Variants in AGO4 observed in about 807,000 individuals in gnomAD.
The protein encoded by AGO4 is protein argonaute-4.
A neutral mutation model predicts 104.7 loss-of-function variants in AGO4; 33 were observed. The ratio of observed to expected loss-of-function variants is 0.32; its 90% CI spans 0.24 to 0.42. The LOEUF (loss-of-function observed/expected upper bound fraction) is 0.42, where lower values mean the gene tolerates loss of function less well. Ranked by LOEUF, AGO4 falls within the 10% of genes least tolerant of loss-of-function variation. The pLI is 1.00. For missense variants in AGO4, 711 were observed against 1,083.4 expected (o/e 0.66, Z 4.83); for synonymous variants, 331 against 364.7 (o/e 0.91, Z 1.05).
At chr1:35,811,636 C>T (rs1643511078) in intron 1 of AGO4, among the ~76,000 whole-genome samples, 1 of 151,612 alleles carries the variant, frequency 6.6e-6, no homozygotes, top group Admixed American at 6.6e-5. Context: ...CAGAGTCTCG[C>T]TGTGTCGCCC....
chr1:35,833,844 C>A, intron 11 of AGO4, 146 bp from the exon 12 acceptor site: 2 of 680,948 alleles, frequency 2.9e-6, no homozygotes, highest in Non-Finnish European at 4.2e-6. Flanking sequence ...TTTTGGCAAC[C>A]AGTTAAAGAT....
At position 35,841,319 on chromosome 1, in the gene AGO4, C is replaced by T. The variant is rs369348803; in HGVS notation, c.1879C>T (p.Arg627Trp). 15 of 1,613,986 alleles carry T rather than the reference C, an allele frequency of 9.3e-6. No individual in the cohort carries two copies. Among genetic ancestry groups the T allele is most frequent in the Middle Eastern group, 1.6e-4 (1 of 6,084 alleles). The change falls in exon 14 of 18, where the codon CGG (arginine) becomes TGG (tryptophan). Residue 627 changes from arginine (R) to tryptophan (W), a missense_variant. This residue lies in a region of AGO4 where 401 missense variants were observed against 665.5 expected (regional missense o/e 0.60). Coordinates refer to ENST00000373210, the MANE Select transcript of AGO4 (RefSeq NM_017629.4). The surrounding 1 kb of genome is among the most constrained non-coding windows in gnomAD (Gnocchi z 4.7). The stretch of plus-strand genomic sequence containing the variant: ...TGCCACCGTTCGGGTGCAGACTTCC[C>T]GGCAGGAGATCTCCCAAGAGCTCCT... ...YCATVRVQTS[R>W]QEISQELLYS...
In AGO4 at chr1:35,841,811, C is replaced by CATATATATATATATATATACAT. The variant is rs1336128652; in HGVS notation, c.2175+80_2175+81insCATATATATATATATATATATA. On this transcript the variant is annotated intron_variant, in intron 15 of 17. Transcript: ENST00000373210. This position sits in a 1 kb window ranked among gnomAD's most constrained non-coding sequence, Gnocchi z 4.7. ...CTCTGGCAAGAGATGTATATATGCA[C>CATATATATATATATATATACAT]ATATATATATATATATATATATATA... 22 of 606,486 alleles carry CATATATATATATATATATACAT rather than the reference C, an allele frequency of 3.6e-5. No homozygotes were observed. The Admixed American group carries it at 6.6e-4, about 18-fold the overall frequency. The allele number at this position is 606,486 out of a possible 1,614,324, so 37.6% of individuals were successfully genotyped here. A position where few individuals can be genotyped will look rare whatever the true frequency, so the allele number is the denominator to read the frequency against.
rs1425460599 is a variant in AGO4, at chr1:35,841,474, G to C, written c.2034G>C (p.Met678Ile). The change falls in exon 14 of 18, where the codon ATG (methionine) becomes ATC (isoleucine). Residue 678 changes from methionine (M) to isoleucine (I), a missense_variant. Met to Ile is a conservative substitution (Grantham distance 10). Transcript: ENST00000373210. This position sits in a 1 kb window ranked among gnomAD's most constrained non-coding sequence, Gnocchi z 4.7. Reference protein sequence around the residue: ...YYRGGVSEGQMKQVAWPELIA... With the variant: ...YYRGGVSEGQIKQVAWPELIA... Reference sequence around the variant, plus strand: ...GTGGAGGGGTATCTGAGGGACAAATGAAACAGGTACTCTCATTATCCCTGT... The same window carrying C: ...GTGGAGGGGTATCTGAGGGACAAATCAAACAGGTACTCTCATTATCCCTGT... The C allele has an allele frequency of 1.2e-6, 2 of 1,612,220 alleles. No homozygotes were observed. Among genetic ancestry groups the C allele is most frequent in the Non-Finnish European group, 1.7e-6 (2 of 1,178,440 alleles).
intron 2 of AGO4, among the ~76,000 whole-genome samples, chr1:35,820,648 C>T (rs979590980): frequency 2.2e-4 from 34 of 152,106 alleles, no homozygotes; most frequent in African/African-American, 8.0e-4. Flanking sequence ...TGAGCCACCC[C>T]GCCTGGCCCA....
intron 15 of AGO4, among the ~76,000 whole-genome samples, chr1:35,848,993 A>G (rs561930089): frequency 6.6e-6 from 1 of 152,324 alleles, no homozygotes; most frequent in African/African-American, 2.4e-5. Flanking sequence ...TAAGGTAACA[A>G]TAGTTAAAAT....
At position 35,831,934 on chromosome 1, in the gene AGO4, C is replaced by A; in HGVS notation, c.1116+3C>A. On this transcript the variant is annotated splice_donor_region_variant and intron_variant, in intron 9 of 17. Transcript: ENST00000373210. ...GACAGGAAGAGATCAGTAGACTGGT[C>A]AGTAAGGCATGGTCTTCAAGATGAG... 1.2e-6 allele frequency: 2 copies of A among 1,613,802 alleles called. No homozygotes were observed. Among genetic ancestry groups the A allele is most frequent in the South Asian group, 2.2e-5 (2 of 90,954 alleles).
At position 35,845,472 on chromosome 1, in the gene AGO4, G is replaced by A. The variant is rs146806715; in HGVS notation, c.2175+3722G>A. 6.9e-3 allele frequency among the ~76,000 whole-genome samples: 1,048 copies of A among 152,098 alleles called. 11 individuals carry two copies. The highest frequency in any genetic ancestry group is 0.024 in the African/African-American group (976 of 41,490). ...TTCACCCACCTCGGCCTCCCAAAGT[G>A]CTGGGATTACAGATGTCAGCCACTG... On this transcript the variant is annotated intron_variant, in intron 15 of 17. Transcript: ENST00000373210.
chr1:35,835,171 C>T (rs182761543), intron 12 of AGO4, among the ~76,000 whole-genome samples: 1 of 151,940 alleles, frequency 6.6e-6, no homozygotes, highest in East Asian at 1.9e-4. Flanking sequence ...CATCTCCTGC[C>T]TCAGCCCCCC....
intron 1 of AGO4, among the ~76,000 whole-genome samples, chr1:35,815,387 C>T (rs932689917): frequency 6.6e-6 from 1 of 152,068 alleles, no homozygotes; most frequent in African/African-American, 2.4e-5. Flanking sequence ...TTTCTCTAAA[C>T]GAGTGTCTCC....
chr1:35,811,211 C>T (rs1380505679), intron 1 of AGO4, among the ~76,000 whole-genome samples: 6 of 147,332 alleles, frequency 4.1e-5, no homozygotes, highest in Non-Finnish European at 6.0e-5. Context: ...CAGTGGCTCA[C>T]GCCTGAAATC....
intron 15 of AGO4, among the ~76,000 whole-genome samples, chr1:35,848,834 A>G (rs899976638): frequency 6.6e-6 from 1 of 152,162 alleles, no homozygotes; most frequent in African/African-American, 2.4e-5. Flanking sequence ...TAATATTCCT[A>G]AAGAACACAC....
intron 1 of AGO4, among the ~76,000 whole-genome samples, chr1:35,811,620 T>C (rs1016164637): frequency 2.0e-5 from 3 of 151,946 alleles, no homozygotes; most frequent in Non-Finnish European, 4.4e-5. Flanking sequence ...TTGTTGTTTT[T>C]TGAGACAGAG....
chr1:35,832,662 A>G, intron 11 of AGO4, 92 bp downstream of exon 11: 4 of 1,446,814 alleles, frequency 2.8e-6, no homozygotes, highest in Non-Finnish European at 3.7e-6. Flanking sequence ...CTGGCACTAA[A>G]TCCCTGACTC....
chr1:35,830,896 C>T (rs539228086), intron 7 of AGO4, among the ~76,000 whole-genome samples: 3 of 149,806 alleles, frequency 2.0e-5, no homozygotes, highest in South Asian at 2.1e-4. Context: ...CGCTTGAACC[C>T]GGGAGATGGA....
At chr1:35,842,191 T>C (rs1644462691) in intron 15 of AGO4, among the ~76,000 whole-genome samples, 1 of 152,216 alleles carries the variant, frequency 6.6e-6, no homozygotes, top group African/African-American at 2.4e-5. Context: ...GGTAACAGTC[T>C]GTGGCCTGTT....
In AGO4 at chr1:35,840,105, C is replaced by T. The variant is rs185625852; in HGVS notation, c.1725-1060C>T. Among the ~76,000 whole-genome samples the T allele has an allele frequency of 1.6e-4, 25 of 151,896 alleles. No individual in the cohort carries two copies. The East Asian group carries it at 4.9e-3, about 30-fold the overall frequency. ...CTCCTGGGTTCAAGTGATTCTCCCGCCTTAGCCTCCCCAGTAGCTGGGATT... is the reference window on the plus strand; with the variant it reads ...CTCCTGGGTTCAAGTGATTCTCCCGTCTTAGCCTCCCCAGTAGCTGGGATT... On this transcript the variant is annotated intron_variant, in intron 13 of 17. Transcript: ENST00000373210.
intron 13 of AGO4, among the ~76,000 whole-genome samples, chr1:35,837,765 T>A (rs1644349631): frequency 6.6e-6 from 1 of 152,168 alleles, no homozygotes. Context: ...TAATTTGTAG[T>A]AGTTCTTTGT....
At chr1:35,829,481 A>C (rs1557563076) in intron 7 of AGO4, among the ~76,000 whole-genome samples, 1 of 152,192 alleles carries the variant, frequency 6.6e-6, no homozygotes. Flanking sequence ...TCATATATTT[A>C]AATATCACAT....
Sources: allele counts gnomAD v4.1 joint callset (sites outside exome capture counted in the v4.1 genomes callset), GRCh38; gene constraint gnomAD v4.1.1; regional missense constraint gnomAD v4.1.1; non-coding constraint Gnocchi (gnomAD v3.1); transcripts MANE v1.5; gene names NCBI Gene and HGNC (gene_info 2026-07-23, HGNC 2026-07-21).